Variants in FBXO31 observed in about 807,000 individuals in gnomAD.
The protein encoded by FBXO31 is F-box only protein 31.
In FBXO31, 24 loss-of-function variants were observed where a neutral mutation model predicts 54.4. The ratio of observed to expected loss-of-function variants is 0.44; its 90% confidence interval spans 0.32 to 0.62. The LOEUF is 0.62. FBXO31 is among the 20% of genes least tolerant of loss of function. FBXO31 has a pLI of 0.05. For synonymous variants in FBXO31, 388 were observed against 335.6 expected (o/e 1.16, Z -1.71); for missense variants, 665 against 787.1 (o/e 0.84, Z 1.86).
rs1295685103 is a variant in FBXO31 at position 87,334,065 on chromosome 16, C to A, written c.1218G>T (p.Gln406His). 4 of 1,611,320 alleles carry A rather than the reference C, an allele frequency of 2.5e-6. No individual in the cohort carries two copies. Among genetic ancestry groups the A allele is most frequent in the Non-Finnish European group, 3.4e-6 (4 of 1,179,042 alleles). ...GPRESQPSPA[Q>H]PRAEAPSKGP... ...CCTTGCTGGGCGCCTCTGCCCTGGG[C>A]TGGGCAGGGCTTGGCTGGGACTCCC... Residue 406 changes from glutamine (Q) to histidine (H), a missense_variant, in exon 8 of 9, where the codon CAG (glutamine) becomes CAT (histidine). Around this residue, in one of 4 missense-constraint regions of FBXO31, gnomAD observed 165 missense variants for 159.7 expected, o/e 1.03. Transcript: ENST00000311635.
intron 2 of FBXO31, among the ~76,000 whole-genome samples, chr16:87,350,122 G>A (rs568172768): frequency 4.6e-5 from 7 of 152,130 alleles, no homozygotes; most frequent in African/African-American, 1.4e-4. Context: ...GCAGGATCTC[G>A]GGGCTCTGCA....
At chr16:87,334,539 C>T (rs1904981563) in intron 7 of FBXO31, among the ~76,000 whole-genome samples, 1 of 152,234 alleles carries the variant, frequency 6.6e-6, no homozygotes, top group African/African-American at 2.4e-5. Flanking sequence ...AAAGAACATC[C>T]CAGAGCTGGG....
intron 7 of FBXO31, among the ~76,000 whole-genome samples, chr16:87,334,917 G>A (rs1353156330): frequency 6.6e-6 from 1 of 152,236 alleles, no homozygotes; most frequent in Non-Finnish European, 1.5e-5. Flanking sequence ...GGAGCTGTCT[G>A]CAAGCACAAG....
chr16:87,375,910 G>T (rs141801331), intron 1 of FBXO31, among the ~76,000 whole-genome samples: 51 of 152,240 alleles, frequency 3.3e-4, no homozygotes, highest in African/African-American at 1.1e-3. Context: ...TGCCCCTGCC[G>T]CCACCCTCAG....
chr16:87,391,517 G>A (rs1907549099), upstream of FBXO31: 2 of 152,346 alleles, frequency 1.3e-5, no homozygotes, highest in Admixed American at 6.5e-5. Flanking sequence ...CTGGGAGGCT[G>A]AGGGGTAGAC....
rs563221839 is a variant in FBXO31 at position 87,361,696 on chromosome 16, A to G, written c.341-1330T>C. Among the ~76,000 whole-genome samples the G allele has an allele frequency of 7.9e-5, 12 of 152,308 alleles. No homozygotes were observed. The South Asian group carries it at 2.5e-3, about 32-fold the overall frequency. The stretch of plus-strand genomic sequence containing the variant: ...GCAGAGGCCTCATCCCTTCTTTTCA[A>G]TAGCATGGATGCTATTACCCCAAAT... On this transcript the variant is annotated intron_variant, in intron 1 of 8. Transcript: ENST00000311635.
chr16:87,333,941 G>A lies in FBXO31; in HGVS notation c.1342C>T (p.Leu448=), dbSNP rs1904953053. ...AQCGQGQPFV[L]PVGVSSRNED... Reference sequence around the variant, plus strand: ...TTCCTGGAGCTCACGCCCACGGGCAGCACGAACGGCTGCCCCTGCCCACAC... The same window carrying A: ...TTCCTGGAGCTCACGCCCACGGGCAACACGAACGGCTGCCCCTGCCCACAC... The change falls in exon 8 of 9, where the codon CTG becomes TTG. Residue 448 remains leucine (L), a synonymous_variant. Coordinates refer to ENST00000311635, the MANE Select transcript of FBXO31 (RefSeq NM_024735.5). The A allele has an allele frequency of 1.2e-6, 2 of 1,612,288 alleles. No homozygotes were observed. The highest frequency in any genetic ancestry group is 1.7e-6 in the Non-Finnish European group (2 of 1,179,532).
intron 1 of FBXO31, among the ~76,000 whole-genome samples, chr16:87,368,464 G>C (rs1597375303): frequency 6.6e-6 from 1 of 152,134 alleles, no homozygotes; most frequent in South Asian, 2.1e-4. Context: ...CTTCCAGAAA[G>C]ACTGGCAAGT....
At chr16:87,376,615 G>C (rs1262991520) in intron 1 of FBXO31, among the ~76,000 whole-genome samples, 1 of 152,190 alleles carries the variant, frequency 6.6e-6, no homozygotes, top group African/African-American at 2.4e-5. Context: ...TCTGTGAAAA[G>C]AAGAAAATAA....
chr16:87,380,881 T>C (rs1311752667), intron 1 of FBXO31, among the ~76,000 whole-genome samples: 1 of 152,198 alleles, frequency 6.6e-6, no homozygotes, highest in Non-Finnish European at 1.5e-5. Context: ...TTATTCTGAG[T>C]TGTAATTCCG....
intron 2 of FBXO31, 144 bp downstream of exon 2, chr16:87,360,151 G>T (rs557650745): frequency 1.4e-6 from 1 of 710,766 alleles, no homozygotes; most frequent in Non-Finnish European, 2.5e-6. Context: ...GTTACTACCA[G>T]TGCTCTATTC....
intron 1 of FBXO31, among the ~76,000 whole-genome samples, chr16:87,370,592 G>A (rs1209901622): frequency 6.6e-6 from 1 of 152,178 alleles, no homozygotes; most frequent in African/African-American, 2.4e-5. Flanking sequence ...GGATGACTGA[G>A]GAGGCAGTGG....
At chr16:87,360,710 C>G (rs1217141904) in intron 1 of FBXO31, among the ~76,000 whole-genome samples, 1 of 152,244 alleles carries the variant, frequency 6.6e-6, no homozygotes, top group Admixed American at 6.5e-5. Context: ...GGACACAGTG[C>G]CATGTTTCCA....
intron 1 of FBXO31, among the ~76,000 whole-genome samples, chr16:87,363,368 G>A (rs562490604): frequency 2.6e-5 from 4 of 152,266 alleles, no homozygotes; most frequent in Admixed American, 2.6e-4. Context: ...TGGGCAACAA[G>A]AGCAAGACTC....
Position 87,346,669 on chromosome 16 carries a change from C to G in FBXO31, c.489+505G>C, listed in dbSNP as rs1210411785. ...TCTAGCACTTTCTAGCAGGGGCCAG[C>G]CACCTGCCCAGAGCTCAACAAAGTC... On this transcript the variant is annotated intron_variant, in intron 3 of 8. Coordinates refer to ENST00000311635, the MANE Select transcript of FBXO31 (RefSeq NM_024735.5). This position sits in a 1 kb window ranked among gnomAD's most constrained non-coding sequence, Gnocchi z 4.2. Among the ~76,000 whole-genome samples, 2 of 152,200 alleles carry G rather than the reference C, an allele frequency of 1.3e-5. No homozygotes were observed.
At chr16:87,390,457 T>C (rs1382156351), upstream of FBXO31, among the ~76,000 whole-genome samples, 1 of 151,990 alleles carries the variant, frequency 6.6e-6, no homozygotes, top group South Asian at 2.1e-4. Flanking sequence ...CTTTTTTTTT[T>C]TGAGATGGAG....
At chr16:87,333,181 T>C (rs910445471) in intron 8 of FBXO31, among the ~76,000 whole-genome samples, 2 of 152,060 alleles carry the variant, frequency 1.3e-5, no homozygotes, top group Non-Finnish European at 2.9e-5. Context: ...CAGACAAAAC[T>C]GTATAAAAAA....
At chr16:87,340,872 A>G (rs1905172329) in intron 5 of FBXO31, among the ~76,000 whole-genome samples, 1 of 152,188 alleles carries the variant, frequency 6.6e-6, no homozygotes, top group African/African-American at 2.4e-5. Flanking sequence ...AAAAAAAGGA[A>G]TAAGAAAAAA....
chr16:87,342,120 C>T (rs1230673711), intron 5 of FBXO31, among the ~76,000 whole-genome samples: 11 of 152,292 alleles, frequency 7.2e-5, no homozygotes, highest in Middle Eastern at 3.4e-3. Flanking sequence ...CATGGGAGTG[C>T]GGTGGTGCGC....
Sources: allele counts gnomAD v4.1 joint callset (sites outside exome capture counted in the v4.1 genomes callset), GRCh38; gene constraint gnomAD v4.1.1; regional missense constraint gnomAD v4.1.1; non-coding constraint Gnocchi (gnomAD v3.1); transcripts MANE v1.5; gene names NCBI Gene and HGNC (gene_info 2026-07-23, HGNC 2026-07-21).